Variants in GALNT2 observed in about 807,000 individuals in gnomAD.
GALNT2 encodes UDP-GalNAc:polypeptide N-acetylgalactosaminyltransferase 2.
A neutral mutation model predicts 81.4 loss-of-function variants in GALNT2; 31 were observed. The ratio of observed to expected loss-of-function variants is 0.38; its 90% confidence interval spans 0.29 to 0.51. The LOEUF (loss-of-function observed/expected upper bound fraction) is 0.51. Among genes scored for constraint, GALNT2 ranks in the 20% least tolerant of loss-of-function variants. The pLI, the probability that GALNT2 is intolerant of heterozygous loss-of-function variation, is 0.87. For missense variants in GALNT2, 629 were observed against 765.7 expected, an observed-to-expected ratio of 0.82 and a Z score of 2.11; for synonymous variants, 303 against 287.4, an observed-to-expected ratio of 1.05 and a Z score of -0.55.
At chr1:230,245,780 T>TC (rs931925250) in intron 7 of GALNT2, among the ~76,000 whole-genome samples, 10 of 152,148 alleles carry the variant, frequency 6.6e-5, no homozygotes, top group African/African-American at 2.4e-4. Flanking sequence ...TGGCTACCTG[T>TC]CCCATAACCA....
chr1:230,124,587 G>A (rs1558095365), intron 1 of GALNT2, among the ~76,000 whole-genome samples: 1 of 152,208 alleles, frequency 6.6e-6, no homozygotes, highest in Non-Finnish European at 1.5e-5. Context: ...GGAGGAGGCA[G>A]GCAGCACTTC....
At chr1:230,219,539 G>A (rs1403176269) in intron 3 of GALNT2, among the ~76,000 whole-genome samples, 1 of 151,896 alleles carries the variant, frequency 6.6e-6, no homozygotes, top group Non-Finnish European at 1.5e-5. Flanking sequence ...AGATCTCTCA[G>A]TACCTCTCCC....
At chr1:230,110,857 T>TC (rs1385112003) in intron 1 of GALNT2, among the ~76,000 whole-genome samples, 1 of 152,048 alleles carries the variant, frequency 6.6e-6, no homozygotes, top group Non-Finnish European at 1.5e-5. Context: ...GTGGAGTATA[T>TC]AGTTTCCTCT....
chr1:230,109,530 A>C (rs1660641085), intron 1 of GALNT2, among the ~76,000 whole-genome samples: 4 of 152,210 alleles, frequency 2.6e-5, no homozygotes, highest in African/African-American at 9.6e-5. Context: ...GAGTAGACTT[A>C]AGAAGGAACA....
intron 1 of GALNT2, among the ~76,000 whole-genome samples, chr1:230,076,620 A>T (rs560858381): frequency 1.3e-5 from 2 of 152,260 alleles, no homozygotes; most frequent in Admixed American, 1.3e-4. Flanking sequence ...TTCATGGCCA[A>T]TCTCAGGGAG....
intron 3 of GALNT2, among the ~76,000 whole-genome samples, chr1:230,217,289 T>TC (rs1664418772): frequency 6.6e-6 from 1 of 152,194 alleles, no homozygotes. Flanking sequence ...AGGAAGGTGT[T>TC]TAGGCAAAGA....
chr1:230,187,220 C>T (rs1362666321), intron 2 of GALNT2, among the ~76,000 whole-genome samples: 1 of 152,248 alleles, frequency 6.6e-6, no homozygotes. Flanking sequence ...CTCCAATTTT[C>T]TGATCGCACA....
chr1:230,060,229 A>T (rs574706758), intron 1 of GALNT2, among the ~76,000 whole-genome samples: 1 of 152,150 alleles, frequency 6.6e-6, no homozygotes, highest in Non-Finnish European at 1.5e-5. Context: ...ATTTATTCAC[A>T]TCCTTGGCCA....
At chr1:230,065,913 T>C (rs932277759), upstream of GALNT2, among the ~76,000 whole-genome samples, 1 of 152,224 alleles carries the variant, frequency 6.6e-6, no homozygotes, top group African/African-American at 2.4e-5. Context: ...TCAAATCTCT[T>C]CCCTTGATCA....
intron 2 of GALNT2, among the ~76,000 whole-genome samples, chr1:230,183,075 A>T (rs565302019): frequency 4.6e-5 from 7 of 152,176 alleles, no homozygotes; most frequent in Non-Finnish European, 8.8e-5. Flanking sequence ...AGCTATTCTT[A>T]CTTTCTTTTG....
chr1:230,062,264 C>G (rs1353009161), upstream of GALNT2, among the ~76,000 whole-genome samples: 1 of 151,940 alleles, frequency 6.6e-6, no homozygotes, highest in Non-Finnish European at 1.5e-5. Context: ...GGGGTTTTTC[C>G]TTAATGTTAA....
At chr1:230,277,815 G>A (rs1666339820) in intron 15 of GALNT2, among the ~76,000 whole-genome samples, 1 of 152,152 alleles carries the variant, frequency 6.6e-6, no homozygotes, top group South Asian at 2.1e-4. Flanking sequence ...GAACTGAACT[G>A]GCTTTGCCAG....
intron 1 of GALNT2, among the ~76,000 whole-genome samples, chr1:230,172,538 T>C (rs553317165): frequency 2.0e-5 from 3 of 152,338 alleles, no homozygotes; most frequent in African/African-American, 7.2e-5. Context: ...TGGATCCTTT[T>C]TGCCAATCCT....
intron 1 of GALNT2, among the ~76,000 whole-genome samples, chr1:230,138,540 A>AAAAAAG (rs1558103801): frequency 6.7e-6 from 1 of 150,228 alleles, no homozygotes. Flanking sequence ...AAAAAAAAAA[A>AAAAAAG]AAAATGAAAC....
At chr1:230,077,094 A>G (rs1220376619) in intron 1 of GALNT2, among the ~76,000 whole-genome samples, 1 of 152,168 alleles carries the variant, frequency 6.6e-6, no homozygotes, top group Non-Finnish European at 1.5e-5. Context: ...GTATTTGGGT[A>G]AGTGTAGATG....
Position 230,250,565 on chromosome 1 carries a change from G to A in GALNT2, c.1009+5G>A. 1 of 1,601,396 alleles carries A rather than the reference G, an allele frequency of 6.2e-7. No homozygotes were observed. The highest frequency in any genetic ancestry group is 1.3e-5 in the African/African-American group (1 of 74,778). ...TGTGGGGAGGAGAGAACCTAGGTAT[G>A]TACAAGCCTCAAATCTCAGGACAGA... is the stretch of plus-strand genomic sequence containing the variant. On this transcript the variant is annotated splice_donor_5th_base_variant and intron_variant, in intron 10 of 15. Transcript: ENST00000366672.
rs1666274025 is a variant in GALNT2, at chr1:230,275,520, A to G, written c.1560+956A>G. Reference sequence around the variant, plus strand: ...ACACACACCACAGATACATACATATATATACATGCCACATAGATATACATA... The same window carrying G: ...ACACACACCACAGATACATACATATGTATACATGCCACATAGATATACATA... On this transcript the variant is annotated intron_variant, in intron 15 of 15. Transcript: ENST00000366672. The surrounding 1 kb of genome is among the most constrained non-coding windows in gnomAD (Gnocchi z 5.5). 1.3e-5 allele frequency among the ~76,000 whole-genome samples: 2 copies of G among 151,458 alleles called. No individual in the cohort carries two copies.
intron 1 of GALNT2, among the ~76,000 whole-genome samples, chr1:230,152,775 T>G (rs1239133526): frequency 1.3e-5 from 2 of 152,258 alleles, no homozygotes; most frequent in Admixed American, 6.5e-5. Flanking sequence ...TAGCTTCCTC[T>G]TTGAACCGCT....
At chr1:230,187,429 T>C (rs1663370130) in intron 2 of GALNT2, among the ~76,000 whole-genome samples, 1 of 152,184 alleles carries the variant, frequency 6.6e-6, no homozygotes, top group Admixed American at 6.5e-5. Flanking sequence ...GGTGAGTGGG[T>C]GCAGGGGCTG....
Sources: gnomAD v4.1 joint callset for allele counts (sites outside exome capture counted in the v4.1 genomes callset) on GRCh38, gnomAD v4.1.1 for gene constraint, Gnocchi (gnomAD v3.1) non-coding constraint, MANE v1.5 for transcripts, NCBI Gene and HGNC (gene_info 2026-07-23, HGNC 2026-07-21) for gene names.